The following PCDHA8 variants were observed in gnomAD, a reference collection of about 807,000 sequenced individuals.
The protein encoded by PCDHA8 is protocadherin alpha 8.
PCDHA8 carries 53 observed loss-of-function variants against 61.8 expected under a neutral mutation model. The ratio of observed to expected loss-of-function variants is 0.86; its 90% CI spans 0.69 to 1.08. The LOEUF is 1.08. PCDHA8 is among the 50% of genes least tolerant of loss of function. The pLI is 0.00. For missense variants in PCDHA8, 1,293 were observed against 1,245.0 expected (o/e 1.04, Z -0.58); for synonymous variants, 618 against 556.6 (o/e 1.11, Z -1.55).
intron 1 of PCDHA8, chr5:140,865,282 T>G (rs2048808966): frequency 6.6e-6 from 1 of 152,240 alleles, no homozygotes; most frequent in Non-Finnish European, 1.5e-5. Flanking sequence ...GTAAAATTAC[T>G]TTGCTCTTTT....
chr5:140,852,896 TG>T (rs2042516637), intron 1 of PCDHA8: 1 of 852,490 alleles, frequency 1.2e-6, no homozygotes, highest in Non-Finnish European at 1.4e-6. Context: ...TTTTTTTTTT[TG>T]AGTCAGAGTC....
In PCDHA8 at chr5:140,848,293, C is replaced by T. The variant is rs2150408206; in HGVS notation, c.2394+4578C>T. On this transcript the variant is annotated intron_variant, in intron 1 of 3. Transcript: ENST00000531613. ...TGAAATATGTACTTACACTTTGGGC[C>T]ACGTGATGTCACTCTTTGCCGCGAT... The T allele has an allele frequency of 2.0e-5, 13 of 642,032 alleles. 2 individuals are homozygous for T. The highest frequency in any genetic ancestry group is 3.2e-5 in the Non-Finnish European group (12 of 369,632). 39.8% of individuals were successfully genotyped at this position (642,032 alleles called of 1,614,324 possible).
At position 140,982,579 on chromosome 5, in the gene PCDHA8, C is replaced by G. The variant is rs781915481; in HGVS notation, c.2542+16C>G. 7 of 1,612,084 alleles carry G rather than the reference C, an allele frequency of 4.3e-6. No individual in the cohort carries two copies. In the Admixed American group the frequency reaches 1.2e-4, roughly 27 times the overall value. On this transcript the variant is annotated intron_variant, in intron 3 of 3. Coordinates refer to ENST00000531613, the MANE Select transcript of PCDHA8 (RefSeq NM_018911.3). ...GCAACACCAGGTAAAGAGCTGGGGT[C>G]TCTCCATTCTTTCTTGGTTTCTGGA...
At chr5:140,858,260 G>A (rs782801879) in intron 1 of PCDHA8, 2 of 1,597,208 alleles carry the variant, frequency 1.3e-6, no homozygotes, top group South Asian at 2.2e-5. Context: ...GCCCACGCTG[G>A]TGTGCTCTAG....
In PCDHA8 at chr5:140,850,779, G is replaced by A. The variant is rs1554144905; in HGVS notation, c.2394+7064G>A. 6.3e-7 allele frequency: 1 copy of A among 1,598,204 alleles called. No homozygotes were observed. Among genetic ancestry groups the A allele is most frequent in the Non-Finnish European group, 8.6e-7 (1 of 1,167,724 alleles). ...GAGGAGGCAGAGGGTGTGCTCTGGC[G>A]AGGGTAAGCAGAAGACCGACCTCAT... On this transcript the variant is annotated intron_variant, in intron 1 of 3. Coordinates refer to ENST00000531613, the MANE Select transcript of PCDHA8 (RefSeq NM_018911.3).
Position 140,858,344 on chromosome 5 carries a change from G to A in PCDHA8, c.2394+14629G>A, listed in dbSNP as rs371621182. 1.0e-5 allele frequency: 16 copies of A among 1,595,144 alleles called. No homozygotes were observed. In the East Asian group the frequency reaches 3.6e-4, roughly 36 times the overall value. On this transcript the variant is annotated intron_variant, in intron 1 of 3. Coordinates refer to ENST00000531613, the MANE Select transcript of PCDHA8 (RefSeq NM_018911.3). Reference sequence around the variant, plus strand: ...TTCTGGGGAGGGCCTGCCCAAGGCGGACCTCATGGCCTTCAGCCCCAGCCT... The same window carrying A: ...TTCTGGGGAGGGCCTGCCCAAGGCGAACCTCATGGCCTTCAGCCCCAGCCT...
intron 3 of PCDHA8, among the ~76,000 whole-genome samples, chr5:140,992,691 G>A (rs373170347): frequency 9.3e-4 from 142 of 152,244 alleles, no homozygotes; most frequent in Middle Eastern, 3.4e-3. Context: ...GGGTTGAGGG[G>A]TGGGTAATGT....
At chr5:140,988,805 C>T (rs782160959) in intron 3 of PCDHA8, 8 of 152,232 alleles carry the variant, frequency 5.3e-5, no homozygotes, top group African/African-American at 1.4e-4. Context: ...GAATTTCTTC[C>T]GTAACAGTAG....
chr5:140,845,305 G>A lies in PCDHA8; in HGVS notation c.2394+1590G>A, dbSNP rs2150378227. Among the ~76,000 whole-genome samples the A allele has an allele frequency of 3.4e-4, 51 of 149,092 alleles. 5 individuals carry two copies. The highest frequency in any genetic ancestry group is 6.7e-4 in the Non-Finnish European group (45 of 66,692). On this transcript the variant is annotated intron_variant, in intron 1 of 3. Transcript: ENST00000531613. ...TTCCTATCCTGTCTATGTCTACCTG[G>A]TTCTCAGGTATTACTTTAATTACTG...
At chr5:140,888,673 A>T (rs571585641) in intron 1 of PCDHA8, among the ~76,000 whole-genome samples, 1 of 152,298 alleles carries the variant, frequency 6.6e-6, no homozygotes, top group Admixed American at 6.5e-5. Context: ...TGCCCTGTGC[A>T]TTAAGAGGTC....
At chr5:140,975,917 A>C (rs1287006605) in intron 1 of PCDHA8, among the ~76,000 whole-genome samples, 1 of 152,220 alleles carries the variant, frequency 6.6e-6, no homozygotes, top group Non-Finnish European at 1.5e-5. Context: ...TATTCTACCA[A>C]AAGACTAACC....
intron 1 of PCDHA8, chr5:140,863,488 A>C (rs1554158271): frequency 4.4e-6 from 2 of 451,898 alleles, no homozygotes; most frequent in African/African-American, 2.0e-5. Flanking sequence ...CCCAAGGTCA[A>C]CATTACGGCT....
In PCDHA8 at chr5:140,850,252, G is replaced by GCGC. The variant is rs2150475866; in HGVS notation, c.2394+6540_2394+6542dup. ...AGCGAGATGGTGCTGCGGTCGGTGG[G>GCGC]CGCCGGCGTAGTGGTGGGGAAGGTG... is the stretch of plus-strand genomic sequence containing the variant. On this transcript the variant is annotated intron_variant, in intron 1 of 3. Coordinates refer to ENST00000531613, the MANE Select transcript of PCDHA8 (RefSeq NM_018911.3). 12 of 1,593,714 alleles carry GCGC rather than the reference G, an allele frequency of 7.5e-6. No homozygotes were observed. The East Asian group carries it at 2.7e-4, about 36-fold the overall frequency.
At chr5:140,999,526 C>A (rs1429753507) in intron 3 of PCDHA8, among the ~76,000 whole-genome samples, 2 of 152,026 alleles carry the variant, frequency 1.3e-5, no homozygotes, top group Non-Finnish European at 2.9e-5. Context: ...TTTGTTACCC[C>A]CTGGATATGA....
chr5:140,887,306 C>G (rs2061398552), intron 1 of PCDHA8, among the ~76,000 whole-genome samples: 1 of 152,096 alleles, frequency 6.6e-6, no homozygotes. Flanking sequence ...TCTTGTTAGC[C>G]AGGATAGTCT....
chr5:140,858,167 A>G, intron 1 of PCDHA8: 2 of 1,597,724 alleles, frequency 1.3e-6, no homozygotes, highest in Non-Finnish European at 1.7e-6. Flanking sequence ...CGCGGTGTCC[A>G]GCTTGCTGGT....
chr5:140,874,124 TTTAAG>T (rs373641315), intron 1 of PCDHA8, among the ~76,000 whole-genome samples: 322 of 152,384 alleles, frequency 2.1e-3, no homozygotes, highest in African/African-American at 7.5e-3. Context: ...TTATAGTTTA[TTTAAG>T]TTATCTTATA....
intron 1 of PCDHA8, among the ~76,000 whole-genome samples, chr5:140,888,357 G>C (rs2061799918): frequency 6.6e-6 from 1 of 152,138 alleles, no homozygotes; most frequent in Non-Finnish European, 1.5e-5. Flanking sequence ...ATTGCTACTG[G>C]CATCTAATAA....
rs1291498310 is a variant in PCDHA8, at chr5:140,946,680, G to A, written c.2395-32269G>A. Among the ~76,000 whole-genome samples, 6 of 145,092 alleles carry A rather than the reference G, an allele frequency of 4.1e-5. No homozygotes were observed. In the East Asian group the frequency reaches 9.9e-4, roughly 24 times the overall value. On this transcript the variant is annotated intron_variant, in intron 1 of 3. Coordinates refer to ENST00000531613, the MANE Select transcript of PCDHA8 (RefSeq NM_018911.3). ...TAGAAAGAATGAAATCCTGTCATTCGTGACAATATGGATGAATCTGGAGGT... is the reference window on the plus strand; with the variant it reads ...TAGAAAGAATGAAATCCTGTCATTCATGACAATATGGATGAATCTGGAGGT...
Sources: allele counts gnomAD v4.1 joint callset (sites outside exome capture counted in the v4.1 genomes callset), GRCh38; gene constraint gnomAD v4.1.1; transcripts MANE v1.5; gene names NCBI Gene and HGNC (gene_info 2026-07-23, HGNC 2026-07-21).